Variants in DLG1 observed in about 807,000 individuals in gnomAD.
DLG1 encodes discs large MAGUK scaffold protein 1, also known as disks large homolog 1.
Under a neutral mutation model 123.4 loss-of-function variants are expected in DLG1, and 42 were observed. That is an observed-to-expected ratio of 0.34 (90% CI 0.27 to 0.44). The LOEUF (loss-of-function observed/expected upper bound fraction) is 0.44. Among genes scored for constraint, DLG1 ranks in the 20% least tolerant of loss-of-function variants. DLG1 has a pLI of 1.00. For missense variants in DLG1, 942 were observed against 1,082.6 expected (o/e 0.87, Z 1.82); for synonymous variants, 317 against 356.2 (o/e 0.89, Z 1.24).
chr3:197,157,027 A>T (rs907676898), intron 5 of DLG1, among the ~76,000 whole-genome samples: 1 of 152,190 alleles, frequency 6.6e-6, no homozygotes, highest in Non-Finnish European at 1.5e-5. Context: ...TCAACCTAAG[A>T]AAAACCATAT....
At position 197,194,501 on chromosome 3, in the gene DLG1, T is replaced by C; in HGVS notation, c.407A>G (p.His136Arg). 7 of 1,607,176 alleles carry C rather than the reference T, an allele frequency of 4.4e-6. No homozygotes were observed. The highest frequency in any genetic ancestry group is 5.1e-6 in the Non-Finnish European group (6 of 1,176,956). ...CTCTGATAAGTTCTTCTCTGAGACA[T>C]GAACCAATTCTGGACCTATCACTTC... ...TNEVIGPELV[H>R]VSEKNLSEIE... The change falls in exon 5 of 25, where the codon CAT (histidine) becomes CGT (arginine). Residue 136 changes from histidine to arginine, a missense_variant. His to Arg is a conservative substitution (Grantham distance 29, BLOSUM62 0). Coordinates refer to ENST00000667157, the MANE Select transcript of DLG1 (RefSeq NM_001366207.1).
intron 4 of DLG1, among the ~76,000 whole-genome samples, chr3:197,198,411 C>T (rs763202182): frequency 7.0e-5 from 10 of 143,842 alleles, no homozygotes; most frequent in East Asian, 2.2e-4. Flanking sequence ...CGTTTGAAGC[C>T]GGGAAGTGGA....
chr3:197,136,342 G>A, intron 10 of DLG1, 200 bp downstream of exon 10: 1 of 514,394 alleles, frequency 1.9e-6, no homozygotes. Context: ...AAGGAAAAGG[G>A]AGGAGGAGCT....
In DLG1 at chr3:197,203,255, C is replaced by T. The variant is rs545035886; in HGVS notation, c.319-8666G>A. Among the ~76,000 whole-genome samples the T allele has an allele frequency of 2.0e-5, 3 of 152,178 alleles. No homozygotes were observed. The East Asian group carries it at 5.8e-4, about 29-fold the overall frequency. ...CTCCAGCCTAGGCAACAGAGTGAGACCCTGTCTCAAAATAAAGTAAGTAAA... is the reference window on the plus strand; with the variant it reads ...CTCCAGCCTAGGCAACAGAGTGAGATCCTGTCTCAAAATAAAGTAAGTAAA... On this transcript the variant is annotated intron_variant, in intron 4 of 24. Coordinates refer to ENST00000667157, the MANE Select transcript of DLG1 (RefSeq NM_001366207.1).
chr3:197,068,552 A>G, intron 19 of DLG1: 1 of 1,553,958 alleles, frequency 6.4e-7, no homozygotes, highest in Non-Finnish European at 8.7e-7. Context: ...CATATTAGAC[A>G]GCAGTAAAAA....
chr3:197,179,435 T>G (rs555945832), intron 5 of DLG1, among the ~76,000 whole-genome samples: 15 of 152,224 alleles, frequency 9.9e-5, no homozygotes, highest in African/African-American at 3.4e-4. Flanking sequence ...TAATTAAAGG[T>G]GTTGAGATCT....
intron 12 of DLG1, among the ~76,000 whole-genome samples, chr3:197,118,899 G>A (rs1774757249): frequency 6.6e-6 from 1 of 152,076 alleles, no homozygotes; most frequent in Non-Finnish European, 1.5e-5. Context: ...AGTACCTAGG[G>A]AGGCAGATAC....
intron 4 of DLG1, among the ~76,000 whole-genome samples, chr3:197,219,816 CAG>C (rs1736025145): frequency 6.6e-6 from 1 of 152,102 alleles, no homozygotes; most frequent in South Asian, 2.1e-4. Context: ...GGAAAGGCCT[CAG>C]GGGAAATCTC....
At chr3:197,272,229 A>G (rs1009669999) in intron 4 of DLG1, among the ~76,000 whole-genome samples, 2 of 152,126 alleles carry the variant, frequency 1.3e-5, no homozygotes, top group Non-Finnish European at 1.5e-5. Context: ...GCTCACGCCT[A>G]TAAACTCAGC....
At chr3:197,100,329 T>C (rs566455876) in intron 14 of DLG1, among the ~76,000 whole-genome samples, 22 of 152,260 alleles carry the variant, frequency 1.4e-4, no homozygotes, top group Admixed American at 1.4e-3. Context: ...AATCAAAGCT[T>C]TGAAGCGCAG....
chr3:197,134,327 C>G (rs776868118), intron 10 of DLG1, among the ~76,000 whole-genome samples: 1 of 152,012 alleles, frequency 6.6e-6, no homozygotes, highest in East Asian at 1.9e-4. Flanking sequence ...TAAATTTTTA[C>G]AAGCAGCCTG....
chr3:197,239,085 T>C (rs1747511499), intron 4 of DLG1, among the ~76,000 whole-genome samples: 1 of 151,956 alleles, frequency 6.6e-6, no homozygotes, highest in Non-Finnish European at 1.5e-5. Flanking sequence ...CCTTTAACTA[T>C]ATGGAATTAA....
chr3:197,138,512 G>A (rs903230595), intron 8 of DLG1, 121 bp from the exon 9 acceptor site: 2 of 386,864 alleles, frequency 5.2e-6, no homozygotes, highest in Non-Finnish European at 7.9e-6. Flanking sequence ...TAATTCTGGA[G>A]TAATTCCAGA....
At chr3:197,226,136 G>C (rs1739801078) in intron 4 of DLG1, 1 of 152,146 alleles carries the variant, frequency 6.6e-6, no homozygotes, top group Non-Finnish European at 1.5e-5. Flanking sequence ...GCAGAGATCA[G>C]GTCGGTATAC....
intron 3 of DLG1, among the ~76,000 whole-genome samples, chr3:197,287,993 G>T (rs1054750594): frequency 1.3e-5 from 2 of 152,024 alleles, no homozygotes; most frequent in Non-Finnish European, 2.9e-5. Flanking sequence ...AAACAAAAAT[G>T]CATATGCAAA....
intron 4 of DLG1, among the ~76,000 whole-genome samples, chr3:197,268,455 C>A (rs531168725): frequency 6.6e-6 from 1 of 151,872 alleles, no homozygotes; most frequent in Non-Finnish European, 1.5e-5. Context: ...GGTCTTGATC[C>A]GTCGCCCAGG....
chr3:197,093,429 T>A (rs2149203158), intron 14 of DLG1, among the ~76,000 whole-genome samples: 1 of 152,350 alleles, frequency 6.6e-6, no homozygotes, highest in East Asian at 1.9e-4. Flanking sequence ...AGTGCTGGGA[T>A]TACCCACTGT....
intron 24 of DLG1, among the ~76,000 whole-genome samples, chr3:197,049,671 G>A (rs530400904): frequency 6.0e-5 from 8 of 132,430 alleles, no homozygotes; most frequent in African/African-American, 2.0e-4. Flanking sequence ...AGAATCGCTT[G>A]AACCCGGGAG....
In DLG1 at chr3:197,074,352, T is replaced by C. The variant is rs140925381; in HGVS notation, c.2005+2234A>G. On this transcript the variant is annotated intron_variant, in intron 18 of 24. Coordinates refer to ENST00000667157, the MANE Select transcript of DLG1 (RefSeq NM_001366207.1). ...TCTGATAATCAGTTACCATTTTTCA[T>C]ATTATTTCTCTTCCAAAGTCTCAAT... Among the ~76,000 whole-genome samples, 125 of 152,230 alleles carry C rather than the reference T, an allele frequency of 8.2e-4. No homozygotes were observed. In the Middle Eastern group the frequency reaches 0.02, roughly 25 times the overall value.
Sources: allele counts gnomAD v4.1 joint callset (sites outside exome capture counted in the v4.1 genomes callset), GRCh38; gene constraint gnomAD v4.1.1; transcripts MANE v1.5; gene names NCBI Gene and HGNC (gene_info 2026-07-23, HGNC 2026-07-21).